COG2: variants seen among roughly 807,000 people sequenced by gnomAD.
COG2 encodes the protein component of oligomeric golgi complex 2.
Under a neutral mutation model 90.6 loss-of-function variants are expected in COG2, and 52 were observed. The ratio of observed to expected loss-of-function variants is 0.57; its 90% CI spans 0.46 to 0.72. The LOEUF is 0.72. Among genes scored for constraint, COG2 ranks in the 30% least tolerant of loss-of-function variants. COG2 has a pLI of 0.00. For synonymous variants in COG2, 337 were observed against 320.4 expected (o/e 1.05, Z -0.55); for missense variants, 829 against 891.2 (o/e 0.93, Z 0.89).
chr1:230,693,233 T>TTC (rs1558282231), intron 17 of COG2, 59 bp from the exon 18 acceptor site: 5 of 969,434 alleles, frequency 5.2e-6, no homozygotes, highest in Admixed American at 1.9e-5. Flanking sequence ...TTCTTTTTTT[T>TTC]CCCCCCCCAT....
intron 12 of COG2, among the ~76,000 whole-genome samples, chr1:230,685,953 A>G (rs1447730752): frequency 6.6e-6 from 1 of 152,346 alleles, no homozygotes. Flanking sequence ...AAAAGACAAC[A>G]GGGAGAAAAC....
chr1:230,680,092 C>T (rs541856389), intron 10 of COG2: 11 of 152,248 alleles, frequency 7.2e-5, no homozygotes, highest in Admixed American at 3.9e-4. Flanking sequence ...CAGGAAATTA[C>T]GGATTTGTTC....
intron 2 of COG2, among the ~76,000 whole-genome samples, chr1:230,660,334 T>A (rs1208150011): frequency 6.6e-6 from 1 of 152,228 alleles, no homozygotes; most frequent in South Asian, 2.1e-4. Context: ...TATATTTCCA[T>A]TCTATTTCAT....
intron 9 of COG2, chr1:230,678,338 T>C: frequency 2.0e-6 from 2 of 985,402 alleles, no homozygotes; most frequent in Non-Finnish European, 2.4e-6. Flanking sequence ...GTAGTTGCCC[T>C]GTGGGGTCGT....
At chr1:230,662,977 A>G (rs1662220681) in intron 3 of COG2, among the ~76,000 whole-genome samples, 164 bp from the exon 4 acceptor site, 1 of 152,112 alleles carries the variant, frequency 6.6e-6, no homozygotes, top group South Asian at 2.1e-4. Flanking sequence ...TTTCCCCTAA[A>G]TCTTGAGACA....
chr1:230,649,506 G>A (rs972118513), intron 1 of COG2, among the ~76,000 whole-genome samples: 7 of 151,994 alleles, frequency 4.6e-5, no homozygotes, highest in South Asian at 2.1e-4. Context: ...TTCATCACTC[G>A]CTTTCATAGG....
chr1:230,671,116 TTCTG>T (rs1662437811), intron 7 of COG2: 1 of 152,632 alleles, frequency 6.6e-6, no homozygotes, highest in South Asian at 2.1e-4. Flanking sequence ...ATATATTTTC[TTCTG>T]TCTTTCTCTG....
chr1:230,670,461 T>C lies in COG2; in HGVS notation c.774+926T>C, dbSNP rs747764252. 7.2e-5 allele frequency: 11 copies of C among 152,214 alleles called. No individual in the cohort carries two copies. The South Asian group carries it at 8.3e-4, about 11-fold the overall frequency. 9.4% of individuals were successfully genotyped at this position (152,214 alleles called of 1,614,324 possible). On this transcript the variant is annotated intron_variant, in intron 7 of 17. Coordinates refer to ENST00000366669, the MANE Select transcript of COG2 (RefSeq NM_007357.3). ...GAGACTCCCAATGATAAAAATGAAA[T>C]GTAGGGACTCATTTTAATAATTATT...
intron 9 of COG2, among the ~76,000 whole-genome samples, chr1:230,677,136 G>C (rs1429752772): frequency 1.3e-5 from 2 of 151,794 alleles, no homozygotes; most frequent in Non-Finnish European, 2.9e-5. Context: ...GTTTAGACAG[G>C]CTCACCCTAT....
rs1662857652 is a variant in COG2 at position 230,685,180 on chromosome 1, C to T, written c.1324C>T (p.Arg442Cys). The T allele has an allele frequency of 3.1e-6, 5 of 1,614,092 alleles. No individual in the cohort carries two copies. The highest frequency in any genetic ancestry group is 3.3e-5 in the Admixed American group (2 of 60,014). ...GATGTTCTTGCCATTACTGGTGCAT[C>T]GCCTGTGGAGACTCACTCTGCAGAT... ...DEMFLPLLVH[R>C]LWRLTLQILA... The change falls in exon 12 of 18, where the codon CGC becomes TGC. Residue 442 changes from arginine to cysteine, a missense_variant. Arg to Cys is a radical substitution (Grantham distance 180). Coordinates refer to ENST00000366669, the MANE Select transcript of COG2 (RefSeq NM_007357.3).
At chr1:230,661,666 A>C (rs1253382993) in intron 3 of COG2, 3 of 152,142 alleles carry the variant, frequency 2.0e-5, no homozygotes, top group Non-Finnish European at 4.4e-5. Flanking sequence ...GTAAACATTC[A>C]GTGCATGTGT....
intron 1 of COG2, among the ~76,000 whole-genome samples, chr1:230,645,331 G>C (rs1281213440): frequency 1.3e-5 from 2 of 152,024 alleles, no homozygotes; most frequent in Non-Finnish European, 2.9e-5. Context: ...GGTAGTAGGA[G>C]AGAGGTGGTA....
At chr1:230,664,066 A>G (rs1316086273) in intron 4 of COG2, among the ~76,000 whole-genome samples, 1 of 151,920 alleles carries the variant, frequency 6.6e-6, no homozygotes, top group African/African-American at 2.4e-5. Context: ...GTGTGTGCCT[A>G]TAGTCCCAGC....
intron 1 of COG2, 101 bp downstream of exon 1, chr1:230,642,779 C>T (rs927194030): frequency 1.9e-5 from 22 of 1,176,550 alleles, no homozygotes; most frequent in Non-Finnish European, 2.5e-5. Context: ...CCTGCGCACG[C>T]TCAGTGTCAG....
In COG2 at chr1:230,664,238, C is replaced by CA. The variant is rs370079557; in HGVS notation, c.382-235dup. 0.034 allele frequency among the ~76,000 whole-genome samples: 4,626 copies of CA among 137,120 alleles called. 218 individuals are homozygous for CA. Among genetic ancestry groups the CA allele is most frequent in the African/African-American group, 0.11 (4,217 of 37,900 alleles). 90.0% of individuals were successfully genotyped at this position (137,120 alleles called of 152,430 possible). On this transcript the variant is annotated intron_variant, in intron 4 of 17. Coordinates refer to ENST00000366669, the MANE Select transcript of COG2 (RefSeq NM_007357.3). ...GGAATAAGGATATAATATAAGAAACCAAAAAAAAAAAGTTTTTTTAAAAAT... is the reference window on the plus strand; with the variant it reads ...GGAATAAGGATATAATATAAGAAACCAAAAAAAAAAAAGTTTTTTTAAAAAT...
chr1:230,661,999 G>GCCTCAGCCCTCAGT (rs1177178388), intron 3 of COG2, among the ~76,000 whole-genome samples: 5 of 151,964 alleles, frequency 3.3e-5, no homozygotes, highest in Middle Eastern at 6.8e-3. Flanking sequence ...TGTTTTCCGA[G>GCCTCAGCCCTCAGT]CCTCAGCCCT....
At chr1:230,649,770 T>C (rs903226699) in intron 1 of COG2, among the ~76,000 whole-genome samples, 1 of 152,168 alleles carries the variant, frequency 6.6e-6, no homozygotes, top group Non-Finnish European at 1.5e-5. Context: ...AGGTTTATTA[T>C]GTGGTTATAG....
intron 9 of COG2, chr1:230,678,562 G>T: frequency 2.5e-6 from 3 of 1,180,760 alleles, no homozygotes; most frequent in Non-Finnish European, 3.2e-6. Flanking sequence ...CCTTTGTGAG[G>T]CAATGACGAA....
chr1:230,686,802 A>G (rs1415987940), intron 12 of COG2, 133 bp from the exon 13 acceptor site: 2 of 473,110 alleles, frequency 4.2e-6, no homozygotes, highest in Non-Finnish European at 3.7e-6. Flanking sequence ...TACTTTTATT[A>G]GTAAGTTTTT....
Sources: gnomAD v4.1 joint callset for allele counts (sites outside exome capture counted in the v4.1 genomes callset) on GRCh38, gnomAD v4.1.1 for gene constraint, MANE v1.5 for transcripts, NCBI Gene and HGNC (gene_info 2026-07-23, HGNC 2026-07-21) for gene names.